STS: variants seen among roughly 807,000 people sequenced by gnomAD.
STS encodes the protein steryl-sulfatase.
Under a neutral mutation model 26.8 loss-of-function variants are expected in STS, and 7 were observed. The observed-to-expected ratio is 0.26, with a 90% CI of 0.15 to 0.49. The LOEUF is 0.49. STS is among the 20% of genes least tolerant of loss of function. The pLI, the probability that STS is intolerant of heterozygous loss-of-function variation, is 0.98. For missense variants in STS, 434 were observed against 465.6 expected, an observed-to-expected ratio of 0.93 and a Z score of 0.63; for synonymous variants, 199 against 189.4, an observed-to-expected ratio of 1.05 and a Z score of -0.42.
At chrX:7,303,794 CCTT>C (rs1224921499) in intron 7 of STS, among the ~76,000 whole-genome samples, 1 of 111,545 alleles carries the variant, frequency 9.0e-6, no homozygotes, top group African/African-American at 3.3e-5. Context: ...TGTTTCAGCT[CCTT>C]CTTCAAACTT....
At position 7,344,980 on chromosome X, in the gene STS, A is replaced by G. The variant is rs191699835; in HGVS notation, c.1364-4908A>G. ...TGGACTGTGCCGAGCTGTGTTATGG[A>G]CTGTTGTGACTGCTCTAAGTAGAGA... On this transcript the variant is annotated intron_variant, in intron 10 of 10. Transcript: ENST00000674429. Among the ~76,000 whole-genome samples, 32 of 111,005 alleles carry G rather than the reference A, an allele frequency of 2.9e-4. No homozygotes were observed. In the Middle Eastern group the frequency reaches 0.014, roughly 48 times the overall value.
chrX:7,270,965 G>T (rs897703622), intron 6 of STS, among the ~76,000 whole-genome samples: 1 of 108,097 alleles, frequency 9.3e-6, no homozygotes, highest in Non-Finnish European at 1.9e-5. Context: ...TGCCAATCAT[G>T]TTGATGGATG....
intron 6 of STS, among the ~76,000 whole-genome samples, chrX:7,270,816 A>G (rs745845929): frequency 9.8e-5 from 11 of 111,982 alleles, no homozygotes; most frequent in Non-Finnish European, 1.7e-4. Flanking sequence ...CCTGAAGCTC[A>G]GGTCTTTGAC....
chrX:7,311,453 C>G (rs751636842), intron 8 of STS, among the ~76,000 whole-genome samples: 3 of 111,525 alleles, frequency 2.7e-5, no homozygotes, highest in East Asian at 5.7e-4. Context: ...AGGGGAGAAT[C>G]CTTTGTTGTT....
At chrX:7,190,115 A>G (rs1363060924) in intron 1 of STS, among the ~76,000 whole-genome samples, 1 of 110,639 alleles carries the variant, frequency 9.0e-6, no homozygotes, top group Non-Finnish European at 1.9e-5. Flanking sequence ...TATTATTATT[A>G]CATTGTAATA....
chrX:7,239,628 TAA>T (rs776396494), intron 2 of STS, among the ~76,000 whole-genome samples: 5 of 112,073 alleles, frequency 4.5e-5, no homozygotes, highest in African/African-American at 1.6e-4. Context: ...TTTGCCAAAT[TAA>T]GTTTGTTCAG....
At chrX:7,291,048 G>A (rs1341348819) in intron 7 of STS, among the ~76,000 whole-genome samples, 2 of 111,621 alleles carry the variant, frequency 1.8e-5, no homozygotes, top group Non-Finnish European at 3.8e-5. Flanking sequence ...TCGTGTGTTC[G>A]AGTCTTGTGA....
intron 2 of STS, among the ~76,000 whole-genome samples, chrX:7,209,872 G>A (rs1029028643): frequency 4.5e-5 from 5 of 110,568 alleles, no homozygotes; most frequent in African/African-American, 1.3e-4. Flanking sequence ...GAGAACATGC[G>A]GTGTTTGGTT....
intron 1 of STS, among the ~76,000 whole-genome samples, chrX:7,168,894 G>A (rs1933405405): frequency 9.0e-6 from 1 of 111,366 alleles, no homozygotes; most frequent in Admixed American, 9.5e-5. Context: ...TCATTTTGGG[G>A]ATGTCATATC....
rs764252286 is a variant in STS at position 7,257,627 on chromosome X, G to A, written c.382+39G>A. On this transcript the variant is annotated intron_variant, in intron 5 of 10. Coordinates refer to ENST00000674429, the MANE Select transcript of STS (RefSeq NM_001320752.2). ...TGGGATGGGAACCATCTATAGGTAT[G>A]GGAATGGGAGGGAGGACTTGGACAA... 8.3e-6 allele frequency: 10 copies of A among 1,204,402 alleles called. No homozygotes were observed. The Middle Eastern group carries it at 1.4e-3, about 166-fold the overall frequency.
chrX:7,287,590 C>T (rs889737961), intron 7 of STS, among the ~76,000 whole-genome samples: 5 of 111,346 alleles, frequency 4.5e-5, no homozygotes, highest in Non-Finnish European at 9.4e-5. Context: ...TTTCGATTTT[C>T]ATTTTACCTT....
chrX:7,349,060 C>A (rs745931618), intron 10 of STS, among the ~76,000 whole-genome samples: 4 of 107,954 alleles, frequency 3.7e-5, no homozygotes, highest in African/African-American at 1.3e-4. Flanking sequence ...TAGCTCACTG[C>A]GGTTTCAACT....
chrX:7,322,791 A>G (rs1391746835), intron 8 of STS, among the ~76,000 whole-genome samples: 3 of 111,877 alleles, frequency 2.7e-5, no homozygotes, highest in Non-Finnish European at 5.6e-5. Context: ...CCATCTCAAA[A>G]TATGTCAAAG....
intron 7 of STS, among the ~76,000 whole-genome samples, chrX:7,293,631 GT>G (rs1925524585): frequency 1.8e-5 from 2 of 111,058 alleles, no homozygotes; most frequent in Admixed American, 1.9e-4. Flanking sequence ...GTATGCCTCA[GT>G]TACACCCATA....
chrX:7,257,751 AATTGTAGGTTAAAACACAATG>A (rs1482378507), intron 5 of STS, among the ~76,000 whole-genome samples, 163 bp downstream of exon 5: 4 of 111,902 alleles, frequency 3.6e-5, no homozygotes, highest in African/African-American at 1.3e-4. Context: ...AAATGATTTC[AATTGTAGGTTAAAACACAATG>A]AGCCTATCTG....
chrX:7,281,884 T>A (rs1340408947), intron 7 of STS, among the ~76,000 whole-genome samples: 6 of 112,513 alleles, frequency 5.3e-5, no homozygotes, highest in Non-Finnish European at 1.1e-4. Flanking sequence ...GTATATAGGT[T>A]CATTTACATG....
intron 10 of STS, among the ~76,000 whole-genome samples, chrX:7,346,092 T>C (rs1423293629): frequency 1.8e-5 from 2 of 111,913 alleles, no homozygotes; most frequent in Non-Finnish European, 3.8e-5. Flanking sequence ...CACAGCTTAG[T>C]TTATTTTTAA....
rs372923918 is a variant in STS at position 7,259,584 on chromosome X, G to T, written c.618G>T (p.Val206=). Residue 206 remains valine, a synonymous_variant, in exon 6 of 11, where the codon GTG becomes GTT. Coordinates refer to ENST00000674429, the MANE Select transcript of STS (RefSeq NM_001320752.2). ...AALNCLGLLH[V]PLGVFFSLLF... Reference sequence around the variant, plus strand: ...TCAATTGTCTGGGGCTACTCCACGTGCCTCTAGGCGTTTTTTTCAGCCTTC... The same window carrying T: ...TCAATTGTCTGGGGCTACTCCACGTTCCTCTAGGCGTTTTTTTCAGCCTTC... 2 of 1,211,465 alleles carry T rather than the reference G, an allele frequency of 1.7e-6. No homozygotes were observed. Among genetic ancestry groups the T allele is most frequent in the Non-Finnish European group, 2.2e-6 (2 of 895,385 alleles).
At chrX:7,347,512 G>A (rs1928579583) in intron 10 of STS, among the ~76,000 whole-genome samples, 2 of 111,752 alleles carry the variant, frequency 1.8e-5, no homozygotes, top group Admixed American at 9.5e-5. Flanking sequence ...TCTCTTGACT[G>A]GGCCTGATGT....
Sources: allele counts gnomAD v4.1 joint callset (sites outside exome capture counted in the v4.1 genomes callset), GRCh38; gene constraint gnomAD v4.1.1; transcripts MANE v1.5; gene names NCBI Gene and HGNC (gene_info 2026-07-23, HGNC 2026-07-21).